GRIN2D: variants seen among roughly 807,000 people sequenced by gnomAD.
GRIN2D encodes glutamate receptor ionotropic, NMDA 2D.
Under a neutral mutation model 103.2 loss-of-function variants are expected in GRIN2D, and 37 were observed. That is an observed-to-expected ratio of 0.36 (90% CI 0.28 to 0.47). The LOEUF (loss-of-function observed/expected upper bound fraction) is 0.47. Ranked by LOEUF, GRIN2D falls within the 20% of genes least tolerant of loss-of-function variation. The pLI, the probability that GRIN2D is intolerant of heterozygous loss-of-function variation, is 1.00. For missense variants in GRIN2D, 1,557 were observed against 1,910.6 expected, an observed-to-expected ratio of 0.81 and a Z score of 3.45; for synonymous variants, 845 against 885.6, an observed-to-expected ratio of 0.95 and a Z score of 0.81.
rs200616425 is a variant in GRIN2D at position 48,419,441 on chromosome 19, A to AG, written c.1861+89dup. Reference sequence around the variant, plus strand: ...AACTACATTTCCCAGCAGCCCCTGGAGGGGGGGCGGTCAAGCTAGGGCCTC... The same window carrying AG: ...AACTACATTTCCCAGCAGCCCCTGGAGGGGGGGGCGGTCAAGCTAGGGCCTC... On this transcript the variant is annotated intron_variant, in intron 9 of 13. Coordinates refer to ENST00000263269, the MANE Select transcript of GRIN2D (RefSeq NM_000836.4). 1.4e-3 allele frequency: 2,124 copies of AG among 1,511,370 alleles called. 7 individuals are homozygous for AG. The highest frequency in any genetic ancestry group is 4.9e-3 in the African/African-American group (345 of 70,246). 93.6% of individuals were successfully genotyped at this position (1,511,370 alleles called of 1,614,324 possible).
Position 48,414,382 on chromosome 19 carries a change from TG to T in GRIN2D, c.1213del (p.Glu405SerfsTer88). Reference sequence around the variant, plus strand: ...TTTCCCTTTGGCCAAGGTGGGCAGCTGGGAGCAGCAGACGCTCCGCCTCAAG... The same window carrying T: ...TTTCCCTTTGGCCAAGGTGGGCAGCTGGAGCAGCAGACGCTCCGCCTCAAG... ...RDRTWEVVGS[W>X]EQQTLRLKYP... On this transcript the variant is annotated frameshift_variant, in exon 6 of 14. Transcript: ENST00000263269. LOFTEE classifies it high-confidence loss of function. The surrounding 1 kb of genome is among the most constrained non-coding windows in gnomAD (Gnocchi z 4.6). 6.2e-7 allele frequency: 1 copy of T among 1,605,610 alleles called. No individual in the cohort carries two copies.
chr19:48,423,707 G>A (rs1971050830), intron 11 of GRIN2D, among the ~76,000 whole-genome samples: 1 of 152,204 alleles, frequency 6.6e-6, no homozygotes, highest in South Asian at 2.1e-4. Flanking sequence ...GAGAGTAGAT[G>A]AGGGGAGGAT....
At position 48,443,425 on chromosome 19, in the gene GRIN2D, G is replaced by A; in HGVS notation, c.3499G>A (p.Asp1167Asn). Residue 1167 changes from aspartate (D) to asparagine (N), a missense_variant, in exon 14 of 14, where the codon GAC (aspartate) becomes AAC (asparagine). Transcript: ENST00000263269. The surrounding 1 kb of genome is among the most constrained non-coding windows in gnomAD (Gnocchi z 8.9). ...CGGGGGCTGGCGCGCCGGGAGCTGG[G>A]ACTACCTGCCCCCGCGCAGCGGTCC... Reference protein sequence around the residue: ...KLGGWRAGSWDYLPPRSGPAA... With the variant: ...KLGGWRAGSWNYLPPRSGPAA... The A allele has an allele frequency of 7.1e-7, 1 of 1,401,206 alleles. No homozygotes were observed. The highest frequency in any genetic ancestry group is 9.2e-7 in the Non-Finnish European group (1 of 1,082,148). The allele number at this position is 1,401,206 out of a possible 1,614,324, so 86.8% of individuals were successfully genotyped here. A position where few individuals can be genotyped will look rare whatever the true frequency, so the allele number is the denominator to read the frequency against.
rs1971321193 is a variant in GRIN2D at position 48,443,015 on chromosome 19, C to T, written c.3089C>T (p.Pro1030Leu). The change falls in exon 14 of 14, where the codon CCG becomes CTG. Residue 1030 changes from proline to leucine, a missense_variant. This residue lies in a region of GRIN2D where 632 missense variants were observed against 572.8 expected (regional missense o/e 1.10). Transcript: ENST00000263269. This position sits in a 1 kb window ranked among gnomAD's most constrained non-coding sequence, Gnocchi z 8.9. ...GGCGCCTTCCCCGGCTTCCCGTCGCCGCCCGCGCCCCCCGCCGCCGCGGCC... is the reference window on the plus strand; with the variant it reads ...GGCGCCTTCCCCGGCTTCCCGTCGCTGCCCGCGCCCCCCGCCGCCGCGGCC... ...PAGAFPGFPS[P>L]PAPPAAAATA... 1.9e-6 allele frequency: 2 copies of T among 1,068,696 alleles called. No homozygotes were observed. Among genetic ancestry groups the T allele is most frequent in the African/African-American group, 1.7e-5 (1 of 58,140 alleles). The allele number at this position is 1,068,696 out of a possible 1,614,324, so 66.2% of individuals were successfully genotyped here.
rs141277116 is a variant in GRIN2D at position 48,414,720 on chromosome 19, C to T, written c.1412+136C>T. On this transcript the variant is annotated intron_variant, in intron 6 of 13. Coordinates refer to ENST00000263269, the MANE Select transcript of GRIN2D (RefSeq NM_000836.4). The surrounding 1 kb of genome is among the most constrained non-coding windows in gnomAD (Gnocchi z 4.6). ...TCCAGCTTGGTGACCTTAGGCAAAC[C>T]TCAGAATTCTTTGAGCCTGAGTTTC... The T allele has an allele frequency of 1.4e-3, 1,846 of 1,273,978 alleles. 1 individual carries two copies. Among genetic ancestry groups the T allele is most frequent in the Non-Finnish European group, 1.4e-3 (1,275 of 919,848 alleles). The allele number at this position is 1,273,978 out of a possible 1,614,324, so 78.9% of individuals were successfully genotyped here.
Position 48,416,172 on chromosome 19 carries a change from G to A in GRIN2D, c.1735+17G>A. The A allele has an allele frequency of 6.2e-7, 1 of 1,612,244 alleles. No individual in the cohort carries two copies. The highest frequency in any genetic ancestry group is 1.1e-5 in the South Asian group (1 of 91,052). On this transcript the variant is annotated intron_variant, in intron 8 of 13. Coordinates refer to ENST00000263269, the MANE Select transcript of GRIN2D (RefSeq NM_000836.4). ...CCTTCCTCGGTAATCTGGGGCCCTG[G>A]GACAGGGAGCTAGCCCTAGGCAAAG...
Position 48,398,795 on chromosome 19 carries a change from G to C in GRIN2D, c.403G>C (p.Ala135Pro). 2 of 1,457,950 alleles carry C rather than the reference G, an allele frequency of 1.4e-6. No homozygotes were observed. Among genetic ancestry groups the C allele is most frequent in the Non-Finnish European group, 1.8e-6 (2 of 1,110,314 alleles). 90.3% of individuals were successfully genotyped at this position (1,457,950 alleles called of 1,614,324 possible). A position where few individuals can be genotyped will look rare whatever the true frequency, so the allele number is the denominator to read the frequency against. ...CGCGCCCATCCTCGACTTCCTGTCG[G>C]CGCAGACCTCGCTGCCCATCGTGGC... ...AVAPILDFLSAQTSLPIVAVH... is the reference protein window; with the variant it reads ...AVAPILDFLSPQTSLPIVAVH... Residue 135 changes from alanine (A) to proline (P), a missense_variant, in exon 3 of 14, where the codon GCG (alanine) becomes CCG (proline). Ala to Pro is a conservative substitution (Grantham distance 27). Coordinates refer to ENST00000263269, the MANE Select transcript of GRIN2D (RefSeq NM_000836.4).
In GRIN2D at chr19:48,419,700, G is replaced by A; in HGVS notation, c.1977G>A (p.Val659=). The A allele has an allele frequency of 6.2e-7, 1 of 1,613,628 alleles. No individual in the cohort carries two copies. The highest frequency in any genetic ancestry group is 8.5e-7 in the Non-Finnish European group (1 of 1,179,912). Residue 659 remains valine (V), a synonymous_variant, in exon 10 of 14, where the codon GTG becomes GTA. Transcript: ENST00000263269. ...GGGGAACCACCAGCAAAATCATGGTGCTGGTGTGGGCCTTCTTCGCCGTCA... is the reference window on the plus strand; with the variant it reads ...GGGGAACCACCAGCAAAATCATGGTACTGGTGTGGGCCTTCTTCGCCGTCA... ...NPRGTTSKIM[V]LVWAFFAVIF...
chr19:48,407,284 T>C (rs1970804645), intron 4 of GRIN2D, among the ~76,000 whole-genome samples: 1 of 152,066 alleles, frequency 6.6e-6, no homozygotes. Context: ...GTTCTGTCTT[T>C]CTTATTCTAT....
In GRIN2D at chr19:48,442,985, C is replaced by T; in HGVS notation, c.3059C>T (p.Pro1020Leu). ...CGCGACAAGGAGCCAGCCGAGCCCC[C>T]CGCCGGCGCCTTCCCCGGCTTCCCG... ...IVRDKEPAEPPAGAFPGFPSP... is the reference protein window; with the variant it reads ...IVRDKEPAEPLAGAFPGFPSP... The change falls in exon 14 of 14, where the codon CCC (proline) becomes CTC (leucine). Residue 1020 changes from proline to leucine, a missense_variant. By Grantham distance (98) the Pro-to-Leu change is moderately conservative. This residue lies in a region of GRIN2D where 632 missense variants were observed against 572.8 expected (regional missense o/e 1.10). Transcript: ENST00000263269. The surrounding 1 kb of genome is among the most constrained non-coding windows in gnomAD (Gnocchi z 7.2). 1 of 1,110,826 alleles carries T rather than the reference C, an allele frequency of 9.0e-7. No individual in the cohort carries two copies. Among genetic ancestry groups the T allele is most frequent in the Non-Finnish European group, 1.1e-6 (1 of 905,728 alleles). 68.8% of individuals were successfully genotyped at this position (1,110,826 alleles called of 1,614,324 possible).
intron 11 of GRIN2D, among the ~76,000 whole-genome samples, chr19:48,432,408 T>C (rs1433018573): frequency 6.6e-6 from 1 of 152,162 alleles, no homozygotes; most frequent in Non-Finnish European, 1.5e-5. Flanking sequence ...TCATTTGTTC[T>C]GAGAAAATTT....
At chr19:48,436,001 T>C (rs554549477) in intron 11 of GRIN2D, among the ~76,000 whole-genome samples, 3 of 152,272 alleles carry the variant, frequency 2.0e-5, no homozygotes, top group African/African-American at 7.2e-5. Flanking sequence ...CAGTATCAAA[T>C]AGGGTGCTCA....
Position 48,440,105 on chromosome 19 carries a change from G to C in GRIN2D, c.2253-1664G>C, listed in dbSNP as rs557798785. 2.6e-5 allele frequency among the ~76,000 whole-genome samples: 4 copies of C among 152,250 alleles called. No individual in the cohort carries two copies. The South Asian group carries it at 8.3e-4, about 32-fold the overall frequency. On this transcript the variant is annotated intron_variant, in intron 11 of 13. Coordinates refer to ENST00000263269, the MANE Select transcript of GRIN2D (RefSeq NM_000836.4). ...GCATGCCTATAATCCCAGCTACTTG[G>C]GTGGCTGAGGCAGGAGAATCCCTTG...
Position 48,442,085 on chromosome 19 carries a change from CACAT to C in GRIN2D, c.2441-64_2441-61del. 1 of 1,539,820 alleles carries C rather than the reference CACAT, an allele frequency of 6.5e-7. No individual in the cohort carries two copies. Among genetic ancestry groups the C allele is most frequent in the Non-Finnish European group, 8.9e-7 (1 of 1,118,586 alleles). ...GGAAGGGGCTAAGGGCCTACATTCC[CACAT>C]CACAGACAAGGGTCCTCAGAGGGTA... On this transcript the variant is annotated intron_variant, in intron 12 of 13. Transcript: ENST00000263269. This position sits in a 1 kb window ranked among gnomAD's most constrained non-coding sequence, Gnocchi z 7.2.
chr19:48,422,070 G>A (rs2147458009), intron 11 of GRIN2D, 125 bp downstream of exon 11: 3 of 858,064 alleles, frequency 3.5e-6, no homozygotes, highest in Non-Finnish European at 5.4e-6. Context: ...GGTCAGCTTG[G>A]AGGGCGGAGG....
Position 48,398,659 on chromosome 19 carries a change from G to T in GRIN2D, c.267G>T (p.Leu89=), listed in dbSNP as rs1970672298. The change falls in exon 3 of 14, where the codon CTG becomes CTT. Residue 89 remains leucine, a synonymous_variant. Transcript: ENST00000263269. ...GCCTAGACGTGCGGCCCGTGGCGCT[G>T]GTGCTCAACGGCTCGGACCCGCGCA... is the stretch of plus-strand genomic sequence containing the variant. ...SPGLDVRPVA[L]VLNGSDPRSL... 6.9e-7 allele frequency: 1 copy of T among 1,444,218 alleles called. No homozygotes were observed. The highest frequency in any genetic ancestry group is 9.1e-7 in the Non-Finnish European group (1 of 1,100,232). 89.5% of individuals were successfully genotyped at this position (1,444,218 alleles called of 1,614,324 possible).
intron 11 of GRIN2D, 78 bp downstream of exon 11, chr19:48,422,023 G>T: frequency 6.9e-7 from 1 of 1,446,156 alleles, no homozygotes; most frequent in Non-Finnish European, 9.6e-7. Flanking sequence ...AAGGGGTCCA[G>T]GTTCATTCAT....
rs113854662 is a variant in GRIN2D, at chr19:48,402,675, C to T, written c.466-2059C>T. Among the ~76,000 whole-genome samples the T allele has an allele frequency of 9.9e-3, 1,432 of 145,376 alleles. 6 individuals carry two copies. Among genetic ancestry groups the T allele is most frequent in the African/African-American group, 0.016 (640 of 38,806 alleles). Reference sequence around the variant, plus strand: ...GAGCTTTCAGTGAGCCGAGATTGCGCCACTGCGGTCCGCAGTCCGGCCTGG... The same window carrying T: ...GAGCTTTCAGTGAGCCGAGATTGCGTCACTGCGGTCCGCAGTCCGGCCTGG... On this transcript the variant is annotated intron_variant, in intron 3 of 13. Transcript: ENST00000263269.
chr19:48,421,755 G>A lies in GRIN2D; in HGVS notation c.2092-30G>A, dbSNP rs780960746. 9 of 1,601,354 alleles carry A rather than the reference G, an allele frequency of 5.6e-6. No individual in the cohort carries two copies. The highest frequency in any genetic ancestry group is 1.3e-5 in the African/African-American group (1 of 74,388). Reference sequence around the variant, plus strand: ...TATGTTAGGGATGTCCCTGCGGAGGGTGCCCTAATCACTCCCCATTCTGCC... The same window carrying A: ...TATGTTAGGGATGTCCCTGCGGAGGATGCCCTAATCACTCCCCATTCTGCC... On this transcript the variant is annotated intron_variant, in intron 10 of 13. Transcript: ENST00000263269. The surrounding 1 kb of genome is among the most constrained non-coding windows in gnomAD (Gnocchi z 4.8).
Sources: allele counts gnomAD v4.1 joint callset (sites outside exome capture counted in the v4.1 genomes callset), GRCh38; gene constraint gnomAD v4.1.1; regional missense constraint gnomAD v4.1.1; non-coding constraint Gnocchi (gnomAD v3.1); transcripts MANE v1.5; gene names NCBI Gene and HGNC (gene_info 2026-07-23, HGNC 2026-07-21).